The following DSE variants were observed in gnomAD, a reference collection of about 807,000 sequenced individuals.
DSE encodes dermatan sulfate epimerase.
A neutral mutation model predicts 84.4 loss-of-function variants in DSE; 36 were observed. That is an observed-to-expected ratio of 0.43 (90% CI 0.33 to 0.56). The LOEUF (loss-of-function observed/expected upper bound fraction) is 0.56, where lower values mean the gene tolerates loss of function less well. Ranked by LOEUF, DSE falls within the 20% of genes least tolerant of loss-of-function variation. DSE has a pLI of 0.06. For missense variants in DSE, 862 were observed against 1,169.6 expected (o/e 0.74, Z 3.84); for synonymous variants, 410 against 430.1 (o/e 0.95, Z 0.58).
intron 1 of DSE, among the ~76,000 whole-genome samples, chr6:116,389,615 G>T (rs982359682): frequency 6.6e-6 from 1 of 152,150 alleles, no homozygotes; most frequent in Non-Finnish European, 1.5e-5. Flanking sequence ...TGGTTTTCAG[G>T]AGCATTTTGT....
rs1772257788 is a variant in DSE at position 116,258,663 on chromosome 6, G to A, written c.-358G>A. 1.9e-6 allele frequency: 3 copies of A among 1,611,602 alleles called. No individual in the cohort carries two copies. The East Asian group carries it at 6.7e-5, about 36-fold the overall frequency. On this transcript the variant is annotated 5_prime_UTR_variant, in exon 2 of 4. Transcript: ENST00000430252. ...CACGAGCACCTGTGCACAGCAGCCA[G>A]ATGGCCTGATTCACACGGCGAAGTG...
chr6:116,430,522 T>A (rs1783755837), intron 3 of DSE, among the ~76,000 whole-genome samples: 1 of 152,222 alleles, frequency 6.6e-6, no homozygotes, highest in Non-Finnish European at 1.5e-5. Flanking sequence ...TTTAAGGGTT[T>A]CTCTTCATTT....
At chr6:116,362,790 G>A (rs1778976163) in intron 2 of DSE, among the ~76,000 whole-genome samples, 1 of 152,284 alleles carries the variant, frequency 6.6e-6, no homozygotes, top group East Asian at 1.9e-4. Context: ...GCTTTAATTT[G>A]TCTGGAGGTA....
In DSE at chr6:116,371,057, A is replaced by G; in HGVS notation, c.-118A>G. On this transcript the variant is annotated 5_prime_UTR_variant, in exon 1 of 6. Coordinates refer to ENST00000644252, the MANE Select transcript of DSE (RefSeq NM_013352.4). ...GCCCGGGCGCCCTGGAGTGAGGAGG[A>G]CCGGGAGCTGGCTCTGGAGGCTGCG... 1 of 985,894 alleles carries G rather than the reference A, an allele frequency of 1.0e-6. No individual in the cohort carries two copies. The highest frequency in any genetic ancestry group is 1.2e-6 in the Non-Finnish European group (1 of 830,468). The allele number at this position is 985,894 out of a possible 1,614,324, so 61.1% of individuals were successfully genotyped here.
chr6:116,444,362 TC>T lies in DSE; in HGVS notation c.*7018del, dbSNP rs1351926548. 2 of 152,230 alleles carry T rather than the reference TC, an allele frequency of 1.3e-5. No homozygotes were observed. Among genetic ancestry groups the T allele is most frequent in the African/African-American group, 2.4e-5 (1 of 41,468 alleles). 9.4% of individuals were successfully genotyped at this position (152,230 alleles called of 1,614,324 possible). A position where few individuals can be genotyped will look rare whatever the true frequency, so the allele number is the denominator to read the frequency against. On this transcript the variant is annotated 3_prime_UTR_variant, in exon 6 of 6. Coordinates refer to ENST00000644252, the MANE Select transcript of DSE (RefSeq NM_013352.4). Reference sequence around the variant, plus strand: ...TTAGGGCAGGGATTGTGTCTCTTGCTCGTTGTATATACATGGTTCTTACACA... The same window carrying T: ...TTAGGGCAGGGATTGTGTCTCTTGCTGTTGTATATACATGGTTCTTACACA...
At position 116,435,607 on chromosome 6, in the gene DSE, C is replaced by G; in HGVS notation, c.1139C>G (p.Ser380Trp). The G allele has an allele frequency of 6.4e-7, 1 of 1,574,004 alleles. No individual in the cohort carries two copies. The highest frequency in any genetic ancestry group is 8.6e-7 in the Non-Finnish European group (1 of 1,161,042). ...EFLWYDGSLK[S>W]VPPPDFGTPT... ...TTCAGGTATGATGGCAGCTTGAAAT[C>G]GGTTCCTCCTCCAGACTTTGGCACC... Residue 380 changes from serine (S) to tryptophan (W), a missense_variant, in exon 6 of 6, where the codon TCG (serine) becomes TGG (tryptophan). Ser to Trp is a radical substitution (Grantham distance 177). Around this residue, in one of 4 missense-constraint regions of DSE, gnomAD observed 309 missense variants for 516.9 expected, o/e 0.60. Transcript: ENST00000644252.
chr6:116,282,306 A>G (rs1773591680), intron 2 of DSE, among the ~76,000 whole-genome samples: 1 of 152,232 alleles, frequency 6.6e-6, no homozygotes, highest in East Asian at 1.9e-4. Flanking sequence ...TTGAACTGGT[A>G]TAATTTCATT....
At chr6:116,334,207 G>C (rs1301874423) in intron 2 of DSE, among the ~76,000 whole-genome samples, 1 of 152,174 alleles carries the variant, frequency 6.6e-6, no homozygotes, top group Non-Finnish European at 1.5e-5. Context: ...GACTAGATGA[G>C]ATTTTATTCT....
intron 2 of DSE, among the ~76,000 whole-genome samples, chr6:116,313,409 A>G (rs996650222): frequency 6.6e-6 from 1 of 152,260 alleles, no homozygotes; most frequent in African/African-American, 2.4e-5. Context: ...AAATGAAGCC[A>G]AACAGAAGAA....
At chr6:116,264,361 G>T (rs914316748) in intron 2 of DSE, among the ~76,000 whole-genome samples, 6 of 151,706 alleles carry the variant, frequency 4.0e-5, no homozygotes, top group African/African-American at 1.5e-4. Context: ...TCCTCTGCTT[G>T]GTCTATTCTA....
intron 1 of DSE, among the ~76,000 whole-genome samples, chr6:116,382,779 A>G (rs944343908): frequency 4.6e-5 from 7 of 152,016 alleles, no homozygotes; most frequent in African/African-American, 1.7e-4. Context: ...CAAGAGAGAA[A>G]TTTTTCCCCG....
At chr6:116,278,330 T>C in intron 2 of DSE, 1 of 674,308 alleles carries the variant, frequency 1.5e-6, no homozygotes, top group South Asian at 1.9e-5. Context: ...CATATGGAAG[T>C]GGAGAAGCAT....
intron 2 of DSE, among the ~76,000 whole-genome samples, chr6:116,413,579 G>T (rs368811085): frequency 6.6e-6 from 1 of 152,300 alleles, no homozygotes; most frequent in East Asian, 1.9e-4. Context: ...GGAATAAACT[G>T]TGCAGAGCAT....
chr6:116,289,132 G>C (rs1655545656), intron 2 of DSE, among the ~76,000 whole-genome samples: 1 of 152,014 alleles, frequency 6.6e-6, no homozygotes, highest in Non-Finnish European at 1.5e-5. Context: ...TTCAGGAAGT[G>C]TTAGTTGAAA....
intron 2 of DSE, among the ~76,000 whole-genome samples, chr6:116,269,905 G>C (rs1466116298): frequency 6.6e-6 from 1 of 151,956 alleles, no homozygotes; most frequent in Non-Finnish European, 1.5e-5. Context: ...CATCAATATT[G>C]GATCAAGACT....
At chr6:116,397,404 G>C (rs1202482336) in intron 1 of DSE, among the ~76,000 whole-genome samples, 2 of 151,466 alleles carry the variant, frequency 1.3e-5, no homozygotes, top group African/African-American at 2.4e-5. Flanking sequence ...ATGGGGTTTC[G>C]CCATTTTGGC....
At chr6:116,278,756 T>G in intron 2 of DSE, 1 of 1,614,174 alleles carries the variant, frequency 6.2e-7, no homozygotes, top group Non-Finnish European at 8.5e-7. Context: ...TCATGCCCCC[T>G]GCGCCATATA....
chr6:116,265,790 C>T (rs1772595855), intron 2 of DSE, among the ~76,000 whole-genome samples: 1 of 152,124 alleles, frequency 6.6e-6, no homozygotes, highest in East Asian at 1.9e-4. Context: ...TCTGACAGTT[C>T]CCCTAGGGTT....
chr6:116,279,898 C>T (rs1462481131), intron 2 of DSE: 3 of 1,605,802 alleles, frequency 1.9e-6, no homozygotes, highest in East Asian at 2.2e-5. Flanking sequence ...GGGAGCTAAC[C>T]GCCGCTCGCA....
Sources: gnomAD v4.1 joint callset for allele counts (sites outside exome capture counted in the v4.1 genomes callset) on GRCh38, gnomAD v4.1.1 for gene constraint, gnomAD v4.1.1 regional missense constraint, MANE v1.5 for transcripts, NCBI Gene and HGNC (gene_info 2026-07-23, HGNC 2026-07-21) for gene names.